GDAP2: variants seen among roughly 807,000 people sequenced by gnomAD.
The protein encoded by GDAP2 is ganglioside-induced differentiation-associated protein 2.
A neutral mutation model predicts 67.0 loss-of-function variants in GDAP2; 51 were observed. That is an observed-to-expected ratio of 0.76 (90% CI 0.61 to 0.96). The LOEUF (loss-of-function observed/expected upper bound fraction) is 0.96. Among genes scored for constraint, GDAP2 ranks in the 40% least tolerant of loss-of-function variants. GDAP2 has a pLI of 0.00. For synonymous variants in GDAP2, 203 were observed against 207.3 expected (o/e 0.98, Z 0.18); for missense variants, 547 against 588.3 (o/e 0.93, Z 0.73).
chr1:117,873,793 CT>C, intron 13 of GDAP2, among the ~76,000 whole-genome samples: 1 of 152,212 alleles, frequency 6.6e-6, no homozygotes, highest in Non-Finnish European at 1.5e-5. Context: ...TTAGTGGCTA[CT>C]CAGTCACCAA....
intron 3 of GDAP2, among the ~76,000 whole-genome samples, chr1:117,913,895 T>A (rs368643212): frequency 1.6e-4 from 25 of 152,292 alleles, no homozygotes; most frequent in African/African-American, 6.0e-4. Context: ...TGAATCCTTG[T>A]AAGAGTCTCC....
At chr1:117,879,061 T>C (rs1648563430) in intron 12 of GDAP2, among the ~76,000 whole-genome samples, 1 of 152,268 alleles carries the variant, frequency 6.6e-6, no homozygotes, top group Non-Finnish European at 1.5e-5. Context: ...TGCCTGAAGG[T>C]TCTTGGAGCA....
chr1:117,914,208 G>C (rs531526082), intron 3 of GDAP2, among the ~76,000 whole-genome samples: 1 of 152,018 alleles, frequency 6.6e-6, no homozygotes, highest in Non-Finnish European at 1.5e-5. Context: ...AAAACTAAAA[G>C]GGGAGACTAA....
At chr1:117,887,921 G>T in intron 8 of GDAP2, 147 bp from the exon 9 acceptor site, 1 of 588,556 alleles carries the variant, frequency 1.7e-6, no homozygotes. Flanking sequence ...GAAGCATTAA[G>T]CCATGTAGAA....
At chr1:117,892,518 G>C (rs1218398080) in intron 8 of GDAP2, among the ~76,000 whole-genome samples, 1 of 151,960 alleles carries the variant, frequency 6.6e-6, no homozygotes. Context: ...ATCCTATATA[G>C]AGTACTTTCT....
rs1376042813 is a variant in GDAP2 at position 117,867,925 on chromosome 1, A to AT, written c.*2643dup. ...AAGAAGTGTACTTGTTTTAAAAATC[A>AT]TATTATGCCTTGCATGATTAATAAA... is the stretch of plus-strand genomic sequence containing the variant. On this transcript the variant is annotated 3_prime_UTR_variant, in exon 14 of 14. Coordinates refer to ENST00000369443, the MANE Select transcript of GDAP2 (RefSeq NM_017686.4). 2 of 152,216 alleles carry AT rather than the reference A, an allele frequency of 1.3e-5. No homozygotes were observed. The highest frequency in any genetic ancestry group is 2.9e-5 in the Non-Finnish European group (2 of 68,040). The allele number at this position is 152,216 out of a possible 1,614,324, so 9.4% of individuals were successfully genotyped here.
At chr1:117,875,675 G>A (rs1648432085) in intron 13 of GDAP2, among the ~76,000 whole-genome samples, 1 of 152,214 alleles carries the variant, frequency 6.6e-6, no homozygotes, top group African/African-American at 2.4e-5. Flanking sequence ...AAGGCCTTGG[G>A]AGCCCACCCC....
intron 8 of GDAP2, among the ~76,000 whole-genome samples, chr1:117,888,086 T>G (rs1648932353): frequency 6.6e-6 from 1 of 152,216 alleles, no homozygotes; most frequent in African/African-American, 2.4e-5. Context: ...AAAATACTAT[T>G]GTTTTCCTTT....
At position 117,920,271 on chromosome 1, in the gene GDAP2, G is replaced by T; in HGVS notation, c.87C>A (p.Ser29=). The T allele has an allele frequency of 6.2e-7, 1 of 1,602,520 alleles. No homozygotes were observed. The highest frequency in any genetic ancestry group is 8.5e-7 in the Non-Finnish European group (1 of 1,169,716). Residue 29 remains serine, a synonymous_variant, in exon 2 of 14, where the codon TCC becomes TCA. Transcript: ENST00000369443. ...WGDSCQDELN[S]SDTTAEIFQE... ...GAAATATTTCAGCTGTAGTATCAGA[G>T]GAATTTAATTCATCTTGGCATGAGT...
chr1:117,915,910 A>T (rs1199765543), intron 3 of GDAP2, among the ~76,000 whole-genome samples: 1 of 152,172 alleles, frequency 6.6e-6, no homozygotes, highest in African/African-American at 2.4e-5. Context: ...CTTCAATATG[A>T]TCCTTTTTCA....
At chr1:117,917,466 TTTAA>T (rs1249343798) in intron 3 of GDAP2, among the ~76,000 whole-genome samples, 2 of 152,210 alleles carry the variant, frequency 1.3e-5, no homozygotes, top group Admixed American at 1.3e-4. Context: ...ATGTCCATTA[TTTAA>T]TTTAGTCTTC....
In GDAP2 at chr1:117,863,902, T is replaced by G. The variant is rs761288538; in HGVS notation, c.*6667A>C. 1 of 152,242 alleles carries G rather than the reference T, an allele frequency of 6.6e-6. No individual in the cohort carries two copies. The highest frequency in any genetic ancestry group is 1.5e-5 in the Non-Finnish European group (1 of 68,038). 9.4% of individuals were successfully genotyped at this position (152,242 alleles called of 1,614,324 possible). A position where few individuals can be genotyped will look rare whatever the true frequency, so the allele number is the denominator to read the frequency against. ...TAAACACTACTATGCATGCTTTATGTACATTATTGCATTTGTTCCTCCTAA... is the reference window on the plus strand; with the variant it reads ...TAAACACTACTATGCATGCTTTATGGACATTATTGCATTTGTTCCTCCTAA... On this transcript the variant is annotated 3_prime_UTR_variant, in exon 14 of 14. Transcript: ENST00000369443.
At chr1:117,903,090 C>A (rs896600964) in intron 6 of GDAP2, among the ~76,000 whole-genome samples, 1 of 152,014 alleles carries the variant, frequency 6.6e-6, no homozygotes, top group Admixed American at 6.6e-5. Flanking sequence ...TGTAGAAATA[C>A]AATTTATTTT....
At chr1:117,888,119 G>A (rs956146415) in intron 8 of GDAP2, among the ~76,000 whole-genome samples, 8 of 152,156 alleles carry the variant, frequency 5.3e-5, no homozygotes, top group Non-Finnish European at 1.0e-4. Context: ...CATAGAGAAA[G>A]TCTAAAGCAA....
At chr1:117,928,370 A>C (rs1170339403) in intron 1 of GDAP2, among the ~76,000 whole-genome samples, 1 of 152,226 alleles carries the variant, frequency 6.6e-6, no homozygotes, top group African/African-American at 2.4e-5. Context: ...AGGGGTGTTA[A>C]GATAGAATCT....
At chr1:117,925,024 C>CT (rs1650395275) in intron 1 of GDAP2, among the ~76,000 whole-genome samples, 1 of 152,160 alleles carries the variant, frequency 6.6e-6, no homozygotes, top group African/African-American at 2.4e-5. Flanking sequence ...TAGCTATAAT[C>CT]TAAAAACAAA....
At chr1:117,873,700 T>C (rs1030974944) in intron 13 of GDAP2, among the ~76,000 whole-genome samples, 1 of 152,058 alleles carries the variant, frequency 6.6e-6, no homozygotes, top group African/African-American at 2.4e-5. Flanking sequence ...CTGTCAATCC[T>C]TTTCCTCCAA....
chr1:117,887,328 A>G (rs535640000), intron 9 of GDAP2, among the ~76,000 whole-genome samples: 1 of 152,180 alleles, frequency 6.6e-6, no homozygotes, highest in Non-Finnish European at 1.5e-5. Context: ...ACTAAAAAGT[A>G]CCGTCTGTAA....
At chr1:117,907,827 T>C (rs1649710953) in intron 5 of GDAP2, among the ~76,000 whole-genome samples, 2 of 152,174 alleles carry the variant, frequency 1.3e-5, no homozygotes, top group African/African-American at 4.8e-5. Context: ...CCGAGTTATC[T>C]TCTCATGTTA....
Sources: allele counts gnomAD v4.1 joint callset (sites outside exome capture counted in the v4.1 genomes callset), GRCh38; gene constraint gnomAD v4.1.1; transcripts MANE v1.5; gene names NCBI Gene and HGNC (gene_info 2026-07-23, HGNC 2026-07-21).